ADGRL2: variants seen among roughly 807,000 people sequenced by gnomAD.
ADGRL2 encodes the protein adhesion G protein-coupled receptor L2, also known as calcium-independent alpha-latrotoxin receptor 2.
A neutral mutation model predicts 157.4 loss-of-function variants in ADGRL2; 44 were observed. The ratio of observed to expected loss-of-function variants is 0.28; its 90% CI spans 0.22 to 0.36. The LOEUF is 0.36. Among genes scored for constraint, ADGRL2 ranks in the 10% least tolerant of loss-of-function variants. The pLI, the probability that ADGRL2 is intolerant of heterozygous loss-of-function variation, is 1.00. For synonymous variants in ADGRL2, 585 were observed against 624.7 expected, an observed-to-expected ratio of 0.94 and a Z score of 0.95; for missense variants, 1,510 against 1,768.9, an observed-to-expected ratio of 0.85 and a Z score of 2.63.
At chr1:81,485,777 C>T (rs2078487204) in intron 2 of ADGRL2, among the ~76,000 whole-genome samples, 2 of 152,090 alleles carry the variant, frequency 1.3e-5, no homozygotes, top group South Asian at 4.1e-4. Flanking sequence ...GCCAGATCCA[C>T]TCAAGTAAAC....
At position 81,954,770 on chromosome 1, in the gene ADGRL2, A is replaced by G. The variant is rs1652940832; in HGVS notation, c.1834-1107A>G. 3.3e-5 allele frequency among the ~76,000 whole-genome samples: 5 copies of G among 152,220 alleles called. No homozygotes were observed. In the South Asian group the frequency reaches 8.3e-4, roughly 25 times the overall value. ...CACGGCAGACAGAACGAGGATATTA[A>G]GATGGATTAAGCTAATTAATCTTAC... On this transcript the variant is annotated intron_variant, in intron 10 of 23. Coordinates refer to ENST00000686636, the MANE Select transcript of ADGRL2 (RefSeq NM_001366006.2).
intron 3 of ADGRL2, among the ~76,000 whole-genome samples, chr1:81,676,636 A>G (rs2082996456): frequency 6.6e-6 from 1 of 151,916 alleles, no homozygotes; most frequent in Non-Finnish European, 1.5e-5. Flanking sequence ...AATTGCATGC[A>G]TGTTACCTGG....
chr1:81,944,548 A>T (rs1472495712), intron 6 of ADGRL2, among the ~76,000 whole-genome samples: 4 of 152,080 alleles, frequency 2.6e-5, no homozygotes, highest in Admixed American at 2.6e-4. Flanking sequence ...AAACAAGATT[A>T]TCTCATACTC....
intron 2 of ADGRL2, among the ~76,000 whole-genome samples, chr1:81,479,051 A>G (rs1245131568): frequency 1.3e-5 from 2 of 152,094 alleles, no homozygotes. Flanking sequence ...CTTATTATAT[A>G]TTGTGTTTGA....
intron 1 of ADGRL2, among the ~76,000 whole-genome samples, chr1:81,382,509 C>A (rs915790036): frequency 1.3e-5 from 2 of 152,068 alleles, no homozygotes; most frequent in Non-Finnish European, 2.9e-5. Context: ...CAATTGCACG[C>A]CATTGTGTAG....
At chr1:81,679,446 C>A (rs556208803) in intron 3 of ADGRL2, among the ~76,000 whole-genome samples, 2 of 151,986 alleles carry the variant, frequency 1.3e-5, no homozygotes, top group East Asian at 3.9e-4. Flanking sequence ...TAAGACACTC[C>A]CATACTAAAT....
chr1:81,846,612 C>T (rs1380736682), intron 2 of ADGRL2, among the ~76,000 whole-genome samples: 1 of 151,848 alleles, frequency 6.6e-6, no homozygotes, highest in African/African-American at 2.4e-5. Context: ...TCTTACTATT[C>T]CTGTACCCAT....
chr1:81,468,028 A>C (rs1214802317), intron 2 of ADGRL2, among the ~76,000 whole-genome samples: 1 of 152,188 alleles, frequency 6.6e-6, no homozygotes, highest in Non-Finnish European at 1.5e-5. Flanking sequence ...TAAGACTTGA[A>C]GATTTAAAAT....
chr1:81,851,256 A>G (rs1210964424), intron 2 of ADGRL2, among the ~76,000 whole-genome samples: 1 of 151,940 alleles, frequency 6.6e-6, no homozygotes, highest in African/African-American at 2.4e-5. Context: ...AATAACCTAC[A>G]CTGAAGTCAG....
At chr1:81,565,184 G>A (rs1043632154) in intron 2 of ADGRL2, among the ~76,000 whole-genome samples, 1 of 152,284 alleles carries the variant, frequency 6.6e-6, no homozygotes, top group East Asian at 1.9e-4. Context: ...TAGAGCTTCA[G>A]TTTCCTGACT....
intron 1 of ADGRL2, among the ~76,000 whole-genome samples, chr1:81,413,683 T>A (rs748727384): frequency 1.3e-5 from 2 of 152,196 alleles, no homozygotes. Context: ...CTACTTGAGG[T>A]CAGTAGTTCA....
intron 2 of ADGRL2, among the ~76,000 whole-genome samples, chr1:81,513,480 G>C (rs1486269804): frequency 1.3e-5 from 2 of 152,172 alleles, no homozygotes; most frequent in African/African-American, 4.8e-5. Context: ...AAAACACTCT[G>C]TGAAGTAAAC....
intron 2 of ADGRL2, among the ~76,000 whole-genome samples, chr1:81,535,137 C>T (rs376396912): frequency 3.9e-5 from 6 of 152,032 alleles, no homozygotes; most frequent in Non-Finnish European, 8.8e-5. Flanking sequence ...GTGTGTACAA[C>T]GTAGAAAGAG....
At chr1:81,849,326 A>G (rs1234970068) in intron 2 of ADGRL2, among the ~76,000 whole-genome samples, 1 of 151,948 alleles carries the variant, frequency 6.6e-6, no homozygotes, top group Non-Finnish European at 1.5e-5. Flanking sequence ...AGAACAAAGC[A>G]TATTTAAAAG....
At chr1:81,859,530 C>CT (rs1382174538) in intron 2 of ADGRL2, among the ~76,000 whole-genome samples, 1 of 151,728 alleles carries the variant, frequency 6.6e-6, no homozygotes, top group Non-Finnish European at 1.5e-5. Context: ...CCTCAGCCTC[C>CT]TGAATAGCTG....
chr1:81,859,763 TTTAA>T (rs1318318220), intron 2 of ADGRL2, among the ~76,000 whole-genome samples: 2 of 152,216 alleles, frequency 1.3e-5, no homozygotes, highest in Non-Finnish European at 2.9e-5. Flanking sequence ...TCATTTAGAC[TTTAA>T]TTTTTTGTGA....
At chr1:81,563,241 A>T (rs2080484905) in intron 2 of ADGRL2, among the ~76,000 whole-genome samples, 1 of 152,188 alleles carries the variant, frequency 6.6e-6, no homozygotes, top group Non-Finnish European at 1.5e-5. Flanking sequence ...GGCATTACAC[A>T]TCAGTTATTA....
intron 2 of ADGRL2, among the ~76,000 whole-genome samples, chr1:81,535,425 G>A (rs1379159363): frequency 6.6e-6 from 1 of 152,112 alleles, no homozygotes; most frequent in African/African-American, 2.4e-5. Flanking sequence ...GTGAATGTGT[G>A]TGTAAGTGTG....
At chr1:81,829,782 T>G (rs2091804965) in intron 1 of ADGRL2, among the ~76,000 whole-genome samples, 1 of 152,192 alleles carries the variant, frequency 6.6e-6, no homozygotes, top group African/African-American at 2.4e-5. Context: ...ACCATAAATT[T>G]ATCATTGGGA....
Sources: allele counts gnomAD v4.1 joint callset (sites outside exome capture counted in the v4.1 genomes callset), GRCh38; gene constraint gnomAD v4.1.1; transcripts MANE v1.5; gene names NCBI Gene and HGNC (gene_info 2026-07-23, HGNC 2026-07-21).